Variants in CACNA1C observed in about 807,000 individuals in gnomAD.
CACNA1C encodes voltage-dependent L-type calcium channel subunit alpha-1C.
CACNA1C carries 30 observed loss-of-function variants against 229.0 expected under a neutral mutation model. The ratio of observed to expected loss-of-function variants is 0.13; its 90% CI spans 0.10 to 0.18. The LOEUF (loss-of-function observed/expected upper bound fraction) is 0.18, where lower values mean the gene tolerates loss of function less well. Among genes scored for constraint, CACNA1C ranks in the 10% least tolerant of loss-of-function variants. The pLI is 1.00. For synonymous variants in CACNA1C, 1,114 were observed against 1,132.5 expected (o/e 0.98, Z 0.33); for missense variants, 1,658 against 2,845.0 (o/e 0.58, Z 9.49).
At chr12:2,450,549 A>G (rs578116012) in intron 4 of CACNA1C, among the ~76,000 whole-genome samples, 6,270 of 89,010 alleles carry the variant, frequency 0.07, 219 homozygotes, top group African/African-American at 0.12. Context: ...GCGAGACTCC[A>G]TCTCAAAAAA....
chr12:2,257,161 C>G (rs1299941168), intron 3 of CACNA1C, among the ~76,000 whole-genome samples: 1 of 152,142 alleles, frequency 6.6e-6, no homozygotes, highest in Non-Finnish European at 1.5e-5. Flanking sequence ...TTTGTAATGG[C>G]GGCCAAGATC....
intron 7 of CACNA1C, among the ~76,000 whole-genome samples, chr12:2,494,507 A>G (rs557216730): frequency 6.6e-6 from 1 of 152,338 alleles, no homozygotes; most frequent in South Asian, 2.1e-4. Flanking sequence ...GCAAATAGGC[A>G]AATTTATTTG....
At chr12:2,539,787 GTTT>G (rs1334053016) in intron 9 of CACNA1C, among the ~76,000 whole-genome samples, 15 of 48,342 alleles carry the variant, frequency 3.1e-4, no homozygotes, top group African/African-American at 1.2e-3. Context: ...CTTAAGGAGG[GTTT>G]CATAAAGATG....
At chr12:2,543,710 G>A (rs1282795085) in intron 9 of CACNA1C, among the ~76,000 whole-genome samples, 1 of 152,196 alleles carries the variant, frequency 6.6e-6, no homozygotes, top group Admixed American at 6.5e-5. Flanking sequence ...GAACCATCCA[G>A]GGAGATGATT....
At chr12:2,670,266 C>T (rs1230826961) in intron 38 of CACNA1C, among the ~76,000 whole-genome samples, 2 of 152,124 alleles carry the variant, frequency 1.3e-5, no homozygotes, top group Non-Finnish European at 2.9e-5. Context: ...TCAGGCTGTC[C>T]GTCAGTGTGT....
chr12:2,680,651 G>A, intron 42 of CACNA1C: 9 of 1,309,988 alleles, frequency 6.9e-6, no homozygotes, highest in Non-Finnish European at 9.5e-6. Flanking sequence ...CTGGAAAAGT[G>A]TCCATCCAAG....
chr12:2,033,318 C>T (rs1314012411), intron 1 of CACNA1C, among the ~76,000 whole-genome samples: 1 of 152,130 alleles, frequency 6.6e-6, no homozygotes, highest in East Asian at 1.9e-4. Context: ...CCCATGTGCT[C>T]GGCCACCACC....
At chr12:1,977,607 A>G (rs2034834315) in intron 1 of CACNA1C, among the ~76,000 whole-genome samples, 1 of 152,236 alleles carries the variant, frequency 6.6e-6, no homozygotes, top group South Asian at 2.1e-4. Context: ...ACCACAGAAT[A>G]TAAGTAAAAT....
intron 1 of CACNA1C, among the ~76,000 whole-genome samples, chr12:2,031,438 G>C (rs984585510): frequency 1.1e-4 from 17 of 152,164 alleles, no homozygotes; most frequent in Non-Finnish European, 1.5e-5. Flanking sequence ...TGTTCTTCAG[G>C]CTCAACCTTC....
intron 3 of CACNA1C, among the ~76,000 whole-genome samples, chr12:2,185,024 G>A (rs770679731): frequency 1.1e-4 from 17 of 152,198 alleles, no homozygotes; most frequent in Non-Finnish European, 1.2e-4. Context: ...ATCTTACTCC[G>A]CGTGGCTCAT....
chr12:2,196,923 AG>A (rs1352925452), intron 3 of CACNA1C, among the ~76,000 whole-genome samples: 1 of 152,208 alleles, frequency 6.6e-6, no homozygotes, highest in Non-Finnish European at 1.5e-5. Flanking sequence ...GTTAGGAGCC[AG>A]GGGGGCTGGG....
chr12:2,168,920 C>G (rs773876859), intron 3 of CACNA1C, among the ~76,000 whole-genome samples: 1 of 152,152 alleles, frequency 6.6e-6, no homozygotes, highest in Non-Finnish European at 1.5e-5. Flanking sequence ...CCTCAGGATG[C>G]CCTACCCTTT....
intron 1 of CACNA1C, among the ~76,000 whole-genome samples, chr12:2,073,758 G>A (rs1308122313): frequency 6.6e-6 from 1 of 152,226 alleles, no homozygotes; most frequent in Non-Finnish European, 1.5e-5. Flanking sequence ...CAGCAAATAA[G>A]TTCAGGAGGA....
chr12:2,182,127 T>G (rs1379221663), intron 3 of CACNA1C, among the ~76,000 whole-genome samples: 2 of 102,120 alleles, frequency 2.0e-5, no homozygotes, highest in Non-Finnish European at 3.6e-5. Context: ...TGAGTTTCTG[T>G]CTGCAAAAAA....
chr12:2,545,905 A>G (rs1217124641), intron 9 of CACNA1C, among the ~76,000 whole-genome samples: 2 of 152,272 alleles, frequency 1.3e-5, no homozygotes, highest in African/African-American at 2.4e-5. Context: ...CAGAACTCCA[A>G]GTCCATACAT....
At chr12:2,655,437 A>G (rs1015837584) in intron 34 of CACNA1C, among the ~76,000 whole-genome samples, 199 bp downstream of exon 34, 5 of 152,210 alleles carry the variant, frequency 3.3e-5, no homozygotes, top group African/African-American at 1.2e-4. Context: ...CCCACTATGC[A>G]CTGGCACACC....
At chr12:2,242,519 G>C (rs982731697) in intron 3 of CACNA1C, among the ~76,000 whole-genome samples, 1 of 152,172 alleles carries the variant, frequency 6.6e-6, no homozygotes, top group Non-Finnish European at 1.5e-5. Flanking sequence ...TTTGGATTTT[G>C]TATGAAACCT....
At chr12:2,141,116 C>T (rs1437794416) in intron 3 of CACNA1C, among the ~76,000 whole-genome samples, 2 of 150,794 alleles carry the variant, frequency 1.3e-5, no homozygotes, top group East Asian at 1.9e-4. Context: ...GTGAGCAGGG[C>T]CCACTGTGGC....
At position 2,449,039 on chromosome 12, in the gene CACNA1C, T is replaced by G; in HGVS notation, c.541T>G (p.Tyr181Asp). The G allele has an allele frequency of 6.2e-7, 1 of 1,601,460 alleles. No individual in the cohort carries two copies. Among genetic ancestry groups the G allele is most frequent in the Non-Finnish European group, 8.5e-7 (1 of 1,171,818 alleles). The stretch of plus-strand genomic sequence containing the variant: ...GGAAGCGTTTTTAAAAGTAATCGCC[T>G]ATGGACTCCTCTTTCACCCCAATGC... ...TVEAFLKVIAYGLLFHPNAYL... is the reference protein window; with the variant it reads ...TVEAFLKVIADGLLFHPNAYL... Residue 181 changes from tyrosine (Y) to aspartate (D), a missense_variant, in exon 4 of 47, where the codon TAT becomes GAT. Tyr to Asp is a radical substitution (Grantham distance 160, BLOSUM62 -3). Transcript: ENST00000399655.
Sources: gnomAD v4.1 joint callset for allele counts (sites outside exome capture counted in the v4.1 genomes callset) on GRCh38, gnomAD v4.1.1 for gene constraint, MANE v1.5 for transcripts, NCBI Gene and HGNC (gene_info 2026-07-23, HGNC 2026-07-21) for gene names.